The following LDLRAD3 variants were observed in gnomAD, a reference collection of about 807,000 sequenced individuals.
LDLRAD3 encodes low density lipoprotein receptor class A domain containing 3, also known as low-density lipoprotein receptor class A domain-containing protein 3.
In LDLRAD3, 20 loss-of-function variants were observed where a neutral mutation model predicts 29.4. The ratio of observed to expected loss-of-function variants is 0.68; its 90% CI spans 0.48 to 0.99. LDLRAD3 has a LOEUF of 0.99. Ranked by LOEUF, LDLRAD3 falls within the 50% of genes least tolerant of loss-of-function variation. The pLI, the probability that LDLRAD3 is intolerant of heterozygous loss-of-function variation, is 0.00. For missense variants in LDLRAD3, 420 were observed against 454.3 expected (o/e 0.92, Z 0.69); for synonymous variants, 157 against 192.7 (o/e 0.81, Z 1.53).
intron 3 of LDLRAD3, among the ~76,000 whole-genome samples, chr11:36,091,000 T>G (rs1029170612): frequency 6.6e-6 from 1 of 152,140 alleles, no homozygotes; most frequent in African/African-American, 2.4e-5. Flanking sequence ...CAGGGCTTGT[T>G]GTCGGGATGA....
intron 4 of LDLRAD3, among the ~76,000 whole-genome samples, chr11:36,182,319 T>A (rs1854776765): frequency 1.3e-5 from 2 of 152,146 alleles, no homozygotes; most frequent in African/African-American, 4.8e-5. Context: ...TACATAGTGC[T>A]TATCACCAAG....
chr11:36,053,445 T>G, intron 2 of LDLRAD3, among the ~76,000 whole-genome samples: 1 of 152,194 alleles, frequency 6.6e-6, no homozygotes, highest in East Asian at 1.9e-4. Flanking sequence ...TCCCTGTTAA[T>G]AGAAATGCTC....
At chr11:36,193,370 T>C (rs1446593506) in intron 4 of LDLRAD3, among the ~76,000 whole-genome samples, 1 of 152,142 alleles carries the variant, frequency 6.6e-6, no homozygotes, top group Non-Finnish European at 1.5e-5. Context: ...CCTGAGTCTC[T>C]CTCCCTCTTT....
intron 1 of LDLRAD3, among the ~76,000 whole-genome samples, chr11:35,987,714 C>A (rs57898466): frequency 1.1e-4 from 16 of 152,088 alleles, no homozygotes; most frequent in Admixed American, 1.0e-3. Context: ...AATGGTGCTA[C>A]GTTGAACATA....
intron 1 of LDLRAD3, among the ~76,000 whole-genome samples, chr11:35,951,887 G>T (rs1426438099): frequency 1.3e-5 from 2 of 152,144 alleles, no homozygotes; most frequent in Non-Finnish European, 2.9e-5. Context: ...CACAGCTTCC[G>T]CCCACCCTGT....
At chr11:36,123,180 C>T (rs2133298095) in intron 4 of LDLRAD3, among the ~76,000 whole-genome samples, 1 of 152,080 alleles carries the variant, frequency 6.6e-6, no homozygotes, top group East Asian at 1.9e-4. Flanking sequence ...GAGCGAGACT[C>T]CGTCTCAAAA....
chr11:36,064,267 C>T (rs2133237088), intron 2 of LDLRAD3, among the ~76,000 whole-genome samples: 1 of 152,262 alleles, frequency 6.6e-6, no homozygotes, highest in African/African-American at 2.4e-5. Context: ...TTGTCTCCTG[C>T]AACCTTGCTA....
chr11:36,112,831 T>G (rs1853623669), intron 4 of LDLRAD3, among the ~76,000 whole-genome samples: 1 of 152,172 alleles, frequency 6.6e-6, no homozygotes, highest in South Asian at 2.1e-4. Flanking sequence ...GAGTATTTGC[T>G]TTTTTTCCTC....
intron 3 of LDLRAD3, 136 bp from the exon 4 acceptor site, chr11:36,098,191 G>A (rs1392414885): frequency 4.8e-6 from 5 of 1,044,500 alleles, no homozygotes; most frequent in South Asian, 1.6e-5. Context: ...CTTACAGCAT[G>A]GGCTTTGAGT....
chr11:36,144,710 A>C (rs1260629685), intron 4 of LDLRAD3, among the ~76,000 whole-genome samples: 5 of 131,734 alleles, frequency 3.8e-5, no homozygotes, highest in Admixed American at 7.3e-5. Context: ...CCCGTCTGGG[A>C]AGTGAGGAGC....
intron 1 of LDLRAD3, among the ~76,000 whole-genome samples, chr11:36,010,823 G>T (rs1005040339): frequency 7.4e-5 from 11 of 149,590 alleles, no homozygotes; most frequent in East Asian, 2.0e-4. Flanking sequence ...TTTTTTTTTT[G>T]AAATGGAGTT....
chr11:36,189,408 C>T (rs1413209829), intron 4 of LDLRAD3, among the ~76,000 whole-genome samples: 4 of 151,860 alleles, frequency 2.6e-5, no homozygotes, highest in Non-Finnish European at 4.4e-5. Context: ...TGCTTGAACC[C>T]GAGAGGCGGA....
chr11:36,062,270 A>T (rs986792511), intron 2 of LDLRAD3, among the ~76,000 whole-genome samples: 4 of 152,192 alleles, frequency 2.6e-5, no homozygotes, highest in African/African-American at 9.6e-5. Context: ...GTTTCTGTAA[A>T]TCTGAAAAGG....
chr11:36,217,356 G>A (rs111922487), intron 4 of LDLRAD3, among the ~76,000 whole-genome samples: 9 of 152,218 alleles, frequency 5.9e-5, no homozygotes, highest in African/African-American at 2.2e-4. Context: ...TTTGCCCACC[G>A]AGAACTTAAT....
intron 2 of LDLRAD3, among the ~76,000 whole-genome samples, chr11:36,050,820 C>T (rs1000004421): frequency 6.6e-6 from 1 of 152,204 alleles, no homozygotes; most frequent in East Asian, 1.9e-4. Context: ...ACACTTATTT[C>T]TCTCAGTTCT....
chr11:36,069,067 C>T (rs1291360367), intron 2 of LDLRAD3, among the ~76,000 whole-genome samples: 1 of 152,140 alleles, frequency 6.6e-6, no homozygotes, highest in East Asian at 1.9e-4. Context: ...AGAAATAATA[C>T]ATTGCAATAT....
intron 2 of LDLRAD3, among the ~76,000 whole-genome samples, chr11:36,058,324 C>T (rs1446156824): frequency 6.6e-6 from 1 of 152,188 alleles, no homozygotes; most frequent in Non-Finnish European, 1.5e-5. Flanking sequence ...AGCAAAGAGC[C>T]ACGTCTTCCT....
chr11:35,979,325 A>G (rs1181184544), intron 1 of LDLRAD3, among the ~76,000 whole-genome samples: 2 of 152,112 alleles, frequency 1.3e-5, no homozygotes, highest in African/African-American at 4.8e-5. Flanking sequence ...GCAAAAAAAC[A>G]CTTAGCTGCC....
intron 1 of LDLRAD3, among the ~76,000 whole-genome samples, chr11:35,996,945 T>A (rs1851762647): frequency 6.6e-6 from 1 of 152,158 alleles, no homozygotes; most frequent in Non-Finnish European, 1.5e-5. Flanking sequence ...TGGGAATGGG[T>A]TAACCATGTA....
Sources: allele counts gnomAD v4.1 joint callset (sites outside exome capture counted in the v4.1 genomes callset), GRCh38; gene constraint gnomAD v4.1.1; transcripts MANE v1.5; gene names NCBI Gene and HGNC (gene_info 2026-07-23, HGNC 2026-07-21).